Variants in SAMD7 observed in about 807,000 individuals in gnomAD.
SAMD7 encodes sterile alpha motif domain-containing protein 7.
Under a neutral mutation model 36.7 loss-of-function variants are expected in SAMD7, and 34 were observed. The ratio of observed to expected loss-of-function variants is 0.93; its 90% CI spans 0.71 to 1.23. The LOEUF (loss-of-function observed/expected upper bound fraction) is 1.23. SAMD7 is among the 50% of genes most tolerant of loss of function. The pLI, the probability that SAMD7 is intolerant of heterozygous loss-of-function variation, is 0.00. For missense variants in SAMD7, 570 were observed against 546.6 expected, an observed-to-expected ratio of 1.04 and a Z score of -0.43; for synonymous variants, 188 against 189.7, an observed-to-expected ratio of 0.99 and a Z score of 0.07.
At chr3:169,930,565 GC>G (rs1713442660) in intron 7 of SAMD7, among the ~76,000 whole-genome samples, 1 of 133,362 alleles carries the variant, frequency 7.5e-6, no homozygotes, top group African/African-American at 3.0e-5. Context: ...GTTACTCATA[GC>G]CCCTTTCTTT....
chr3:169,927,671 A>G (rs1713333635), intron 6 of SAMD7, among the ~76,000 whole-genome samples: 1 of 152,146 alleles, frequency 6.6e-6, no homozygotes, highest in South Asian at 2.1e-4. Context: ...CTAATAAGCC[A>G]TATCAGTGAA....
chr3:169,932,655 TG>T, intron 7 of SAMD7: 1 of 552,764 alleles, frequency 1.8e-6, no homozygotes, highest in Non-Finnish European at 3.6e-6. Flanking sequence ...GGAGACACAA[TG>T]GAAAAATCTG....
intron 7 of SAMD7, among the ~76,000 whole-genome samples, chr3:169,929,974 T>C (rs1713423728): frequency 6.6e-6 from 1 of 152,212 alleles, no homozygotes; most frequent in African/African-American, 2.4e-5. Flanking sequence ...CAACCATGGG[T>C]TCAATTAAGT....
chr3:169,919,627 G>C, intron 3 of SAMD7, 43 bp downstream of exon 3: 1 of 1,394,766 alleles, frequency 7.2e-7, no homozygotes. Flanking sequence ...GAACAACATG[G>C]ACAATCATTA....
At chr3:169,916,015 A>G (rs1712782978) in intron 2 of SAMD7, among the ~76,000 whole-genome samples, 1 of 151,682 alleles carries the variant, frequency 6.6e-6, no homozygotes, top group Admixed American at 6.6e-5. Flanking sequence ...GGTAACAGAC[A>G]TAGCCAACAC....
chr3:169,921,317 T>C lies in SAMD7; in HGVS notation c.190T>C (p.Leu64=), dbSNP rs749954679. Residue 64 remains leucine, a synonymous_variant, in exon 4 of 9, where the codon TTG becomes CTG. Transcript: ENST00000335556. ...ACCAAACACAAATATGGCAAATGTG[T>C]TGTCCAGTCGGATCTACCCAGGTAT... ...VLPNTNMANV[L]SSRIYPGWGI... 6.2e-7 allele frequency: 1 copy of C among 1,614,146 alleles called. No individual in the cohort carries two copies.
chr3:169,912,325 G>A (rs1477444191), intron 1 of SAMD7, among the ~76,000 whole-genome samples: 1 of 152,096 alleles, frequency 6.6e-6, no homozygotes, highest in Non-Finnish European at 1.5e-5. Context: ...AACAATCAAT[G>A]ATAATCATGA....
Position 169,938,545 on chromosome 3 carries a change from CAA to C in SAMD7, c.*41_*42del. ...GGAAGAATAGTCTTAGCCAGTTTTC[CAA>C]AGAGCCTAGGATATTACAAAGGATG... On this transcript the variant is annotated 3_prime_UTR_variant, in exon 9 of 9. Coordinates refer to ENST00000335556, the MANE Select transcript of SAMD7 (RefSeq NM_001304366.2). 1 of 1,322,974 alleles carries C rather than the reference CAA, an allele frequency of 7.6e-7. No individual in the cohort carries two copies. The highest frequency in any genetic ancestry group is 1.1e-6 in the Non-Finnish European group (1 of 935,044). 82.0% of individuals were successfully genotyped at this position (1,322,974 alleles called of 1,614,324 possible). A position where few individuals can be genotyped will look rare whatever the true frequency, so the allele number is the denominator to read the frequency against.
At chr3:169,938,213 G>T in intron 8 of SAMD7, 105 bp from the exon 9 acceptor site, 1 of 705,616 alleles carries the variant, frequency 1.4e-6, no homozygotes, top group Non-Finnish European at 2.4e-6. Context: ...GTTAATAGAT[G>T]CTCCATGCCT....
chr3:169,923,771 G>T (rs1268345304), intron 4 of SAMD7, among the ~76,000 whole-genome samples: 1 of 152,172 alleles, frequency 6.6e-6, no homozygotes, highest in African/African-American at 2.4e-5. Context: ...GAGAAAGCAT[G>T]GGTGAGATAA....
chr3:169,916,883 T>C (rs534059924), intron 2 of SAMD7, among the ~76,000 whole-genome samples: 33 of 152,304 alleles, frequency 2.2e-4, no homozygotes, highest in Middle Eastern at 3.4e-3. Flanking sequence ...AGATTTCAAG[T>C]TGCGGGGCAG....
chr3:169,928,000 A>T (rs74870171), intron 6 of SAMD7, among the ~76,000 whole-genome samples: 1 of 149,510 alleles, frequency 6.7e-6, no homozygotes, highest in South Asian at 2.1e-4. Context: ...TCCTTTAGAT[A>T]AAAAAAAATA....
intron 5 of SAMD7, 124 bp from the exon 6 acceptor site, chr3:169,926,429 T>C (rs1713257914): frequency 1.7e-6 from 2 of 1,205,584 alleles, no homozygotes; most frequent in South Asian, 3.2e-5. Context: ...GGGGGATTCA[T>C]GTTTCCACCA....
intron 7 of SAMD7, chr3:169,932,159 A>G (rs1576837288): frequency 1.7e-6 from 1 of 597,370 alleles, no homozygotes; most frequent in Admixed American, 2.5e-5. Flanking sequence ...TTGTGGATGG[A>G]GCTGTCACCC....
chr3:169,925,697 G>T (rs1713230419), intron 5 of SAMD7, among the ~76,000 whole-genome samples: 1 of 152,202 alleles, frequency 6.6e-6, no homozygotes, highest in Admixed American at 6.5e-5. Flanking sequence ...CTGTGCTCCA[G>T]CCTGGGCAAC....
In SAMD7 at chr3:169,918,241, C is replaced by T. The variant is rs115587275; in HGVS notation, c.-41-1217C>T. Among the ~76,000 whole-genome samples, 271 of 151,954 alleles carry T rather than the reference C, an allele frequency of 1.8e-3. 1 individual carries two copies. Among genetic ancestry groups the T allele is most frequent in the African/African-American group, 6.1e-3 (255 of 41,478 alleles). On this transcript the variant is annotated intron_variant, in intron 2 of 8. Transcript: ENST00000335556. ...GCATGAGCCACCGCACCTGGCCCTA[C>T]GATTAGTTATTTTTAAATGTACAAT... is the stretch of plus-strand genomic sequence containing the variant.
At position 169,921,313 on chromosome 3, in the gene SAMD7, T is replaced by C. The variant is rs1002980813; in HGVS notation, c.186T>C (p.Asn62=). ...SSVLPNTNMA[N]VLSSRIYPGW... ...TTCTACCAAACACAAATATGGCAAA[T>C]GTGTTGTCCAGTCGGATCTACCCAG... The change falls in exon 4 of 9, where the codon AAT becomes AAC. Residue 62 remains asparagine, a synonymous_variant. Transcript: ENST00000335556. 3 of 1,614,002 alleles carry C rather than the reference T, an allele frequency of 1.9e-6. No individual in the cohort carries two copies. The African/African-American group carries it at 4.0e-5, about 22-fold the overall frequency.
chr3:169,937,907 C>T (rs994807205), intron 8 of SAMD7, among the ~76,000 whole-genome samples: 2 of 152,128 alleles, frequency 1.3e-5, no homozygotes, highest in Non-Finnish European at 2.9e-5. Flanking sequence ...TAAAAGTGGT[C>T]CTTTTAATAT....
rs544007621 is a variant in SAMD7, at chr3:169,919,570, T to C, written c.72T>C (p.Pro24=). 1.2e-6 allele frequency: 2 copies of C among 1,612,546 alleles called. No individual in the cohort carries two copies. The change falls in exon 3 of 9, where the codon CCT becomes CCC. Residue 24 remains proline (P), a synonymous_variant. Transcript: ENST00000335556. ...TIPLIPSPFG[P]PTVDRDVLPS... is the part of the protein sequence containing the mutation. ...CACTGATCCCCTCACCATTTGGGCC[T>C]CCAACTGTGGACAGGTATTTCTCTT...
Sources: allele counts gnomAD v4.1 joint callset (sites outside exome capture counted in the v4.1 genomes callset), GRCh38; gene constraint gnomAD v4.1.1; transcripts MANE v1.5; gene names NCBI Gene and HGNC (gene_info 2026-07-23, HGNC 2026-07-21).